DLGAP1: variants seen among roughly 807,000 people sequenced by gnomAD.
DLGAP1 encodes disks large-associated protein 1.
DLGAP1 carries 11 observed loss-of-function variants against 90.8 expected under a neutral mutation model. The observed-to-expected ratio is 0.12, with a 90% CI of 0.08 to 0.20. DLGAP1 has a LOEUF of 0.20. DLGAP1 is among the 10% of genes least tolerant of loss of function. The pLI is 1.00. For synonymous variants in DLGAP1, 558 were observed against 540.7 expected (o/e 1.03, Z -0.44); for missense variants, 1,050 against 1,333.8 (o/e 0.79, Z 3.31).
chr18:4,329,249 AT>A (rs2080894515), intron 1 of DLGAP1, among the ~76,000 whole-genome samples: 2 of 152,044 alleles, frequency 1.3e-5, no homozygotes, highest in South Asian at 4.1e-4. Flanking sequence ...TTCCAGCATC[AT>A]TTTTTGAAAA....
intron 1 of DLGAP1, among the ~76,000 whole-genome samples, chr18:4,179,825 G>A (rs1330506455): frequency 9.2e-5 from 14 of 152,060 alleles, no homozygotes; most frequent in African/African-American, 2.9e-4. Context: ...AACACTTATC[G>A]AGCCATTAAA....
intron 2 of DLGAP1, 123 bp downstream of exon 2, chr18:4,151,057 G>A (rs1330148342): frequency 2.0e-5 from 3 of 152,146 alleles, no homozygotes; most frequent in Non-Finnish European, 4.4e-5. Flanking sequence ...GTGTATGCCA[G>A]GAATATTTTT....
chr18:3,730,808 C>T (rs1469234266), intron 6 of DLGAP1, among the ~76,000 whole-genome samples: 2 of 152,132 alleles, frequency 1.3e-5, no homozygotes, highest in African/African-American at 2.4e-5. Context: ...TTTAAAAATG[C>T]TATTTTCACA....
At chr18:4,277,538 G>A (rs1263447278) in intron 1 of DLGAP1, among the ~76,000 whole-genome samples, 1 of 152,174 alleles carries the variant, frequency 6.6e-6, no homozygotes, top group Non-Finnish European at 1.5e-5. Context: ...GTGAGATTAG[G>A]AACCATAGAA....
chr18:4,346,674 G>T (rs907506255), intron 1 of DLGAP1, among the ~76,000 whole-genome samples: 2 of 152,102 alleles, frequency 1.3e-5, no homozygotes, highest in Non-Finnish European at 2.9e-5. Context: ...TCACATTTGA[G>T]GAGAATATAG....
At chr18:3,792,654 C>T (rs1281648982) in intron 5 of DLGAP1, among the ~76,000 whole-genome samples, 1 of 152,198 alleles carries the variant, frequency 6.6e-6, no homozygotes, top group Non-Finnish European at 1.5e-5. Context: ...GATGGTCCCA[C>T]TAACCTGACA....
chr18:3,577,308 T>G (rs1387727720), intron 8 of DLGAP1, among the ~76,000 whole-genome samples: 1 of 152,212 alleles, frequency 6.6e-6, no homozygotes, highest in African/African-American at 2.4e-5. Context: ...CCCCACCTTT[T>G]CCTTCTTGTT....
chr18:3,636,726 C>CTTT (rs10606915), intron 7 of DLGAP1, among the ~76,000 whole-genome samples: 3 of 121,252 alleles, frequency 2.5e-5, no homozygotes, highest in Non-Finnish European at 3.4e-5. Context: ...ACTTTTACAT[C>CTTT]TTTTTTTTTT....
At chr18:3,983,104 A>G (rs989143948) in intron 3 of DLGAP1, 2 of 152,142 alleles carry the variant, frequency 1.3e-5, no homozygotes, top group African/African-American at 4.8e-5. Context: ...GAATATAGAA[A>G]ATATTTATTT....
intron 1 of DLGAP1, among the ~76,000 whole-genome samples, chr18:4,173,626 A>G (rs915271980): frequency 6.6e-6 from 1 of 152,204 alleles, no homozygotes; most frequent in Non-Finnish European, 1.5e-5. Flanking sequence ...TCACATGGGA[A>G]GCATGACACT....
At chr18:4,371,999 T>G (rs2081926921) in intron 1 of DLGAP1, among the ~76,000 whole-genome samples, 1 of 152,202 alleles carries the variant, frequency 6.6e-6, no homozygotes, top group African/African-American at 2.4e-5. Context: ...GAAAATCATC[T>G]CTTCCTTTAA....
Position 4,002,866 on chromosome 18 carries a change from T to C in DLGAP1, c.-73+2250A>G, listed in dbSNP as rs546764681. ...ACAGTTCAGGGATCTATTGATGTCT[T>C]TCTACACTGCCAGGTCTCTATCTCT... On this transcript the variant is annotated intron_variant, in intron 3 of 12. Transcript: ENST00000315677. Among the ~76,000 whole-genome samples, 11 of 152,294 alleles carry C rather than the reference T, an allele frequency of 7.2e-5. No individual in the cohort carries two copies. In the East Asian group the frequency reaches 2.1e-3, roughly 29 times the overall value.
At chr18:4,194,178 C>T (rs902083575) in intron 1 of DLGAP1, among the ~76,000 whole-genome samples, 2 of 152,078 alleles carry the variant, frequency 1.3e-5, no homozygotes, top group African/African-American at 4.8e-5. Flanking sequence ...CACCAGTAGA[C>T]CACAGGGACT....
At chr18:4,319,691 A>G (rs1568511171) in intron 1 of DLGAP1, among the ~76,000 whole-genome samples, 2 of 152,238 alleles carry the variant, frequency 1.3e-5, no homozygotes, top group African/African-American at 2.4e-5. Flanking sequence ...TTCAAGGGAC[A>G]GTACTAAAGT....
intron 1 of DLGAP1, among the ~76,000 whole-genome samples, chr18:4,153,406 T>C (rs1405494438): frequency 2.6e-5 from 4 of 152,224 alleles, no homozygotes; most frequent in Admixed American, 1.3e-4. Context: ...AACCAGAGAA[T>C]TGACTTGCCC....
rs898816586 is a variant in DLGAP1, at chr18:4,334,187, G to A, written c.-267+120819C>T. Among the ~76,000 whole-genome samples, 23 of 151,750 alleles carry A rather than the reference G, an allele frequency of 1.5e-4. 1 individual carries two copies. The highest frequency in any genetic ancestry group is 3.9e-4 in the Admixed American group (6 of 15,276). On this transcript the variant is annotated intron_variant, in intron 1 of 12. Transcript: ENST00000315677. ...CGGGAGGCAGAGGTTGTGGTGAGCCGAGATCGCGTCATTGCACTCCAGCCC... is the reference window on the plus strand; with the variant it reads ...CGGGAGGCAGAGGTTGTGGTGAGCCAAGATCGCGTCATTGCACTCCAGCCC...
chr18:4,085,206 C>T (rs1431387424), intron 2 of DLGAP1, among the ~76,000 whole-genome samples: 1 of 152,092 alleles, frequency 6.6e-6, no homozygotes, highest in Non-Finnish European at 1.5e-5. Context: ...AATTGTCAGC[C>T]TTTTTAAAAA....
intron 1 of DLGAP1, among the ~76,000 whole-genome samples, chr18:4,390,085 T>C (rs1309092771): frequency 6.6e-6 from 1 of 152,144 alleles, no homozygotes; most frequent in Non-Finnish European, 1.5e-5. Flanking sequence ...GTGTATTGTA[T>C]TGTTCTCCAA....
chr18:3,838,381 G>A (rs9635855), intron 4 of DLGAP1, among the ~76,000 whole-genome samples: 24,536 of 152,148 alleles, frequency 0.16, 2,060 homozygotes, highest in South Asian at 0.24. Flanking sequence ...CAGTGGTAAA[G>A]CATCGTAACT....
Sources: gnomAD v4.1 joint callset for allele counts (sites outside exome capture counted in the v4.1 genomes callset) on GRCh38, gnomAD v4.1.1 for gene constraint, MANE v1.5 for transcripts, NCBI Gene and HGNC (gene_info 2026-07-23, HGNC 2026-07-21) for gene names.